Variants in CDH13 observed in about 807,000 individuals in gnomAD.
CDH13 encodes the protein cadherin-13.
CDH13 carries 24 observed loss-of-function variants against 63.8 expected under a neutral mutation model. The ratio of observed to expected loss-of-function variants is 0.38; its 90% confidence interval spans 0.27 to 0.53. The LOEUF (loss-of-function observed/expected upper bound fraction) is 0.53, where lower values mean the gene tolerates loss of function less well. Among genes scored for constraint, CDH13 ranks in the 20% least tolerant of loss-of-function variants. The probability of loss-of-function intolerance (pLI) is 0.85; values close to 1 mark genes in which losing one functional copy is unlikely to be tolerated. For synonymous variants in CDH13, 503 were observed against 355.3 expected (o/e 1.42, Z -4.67); for missense variants, 1,049 against 903.1 (o/e 1.16, Z -2.07).
intron 6 of CDH13, among the ~76,000 whole-genome samples, chr16:83,401,228 C>A (rs957835860): frequency 1.3e-5 from 2 of 151,686 alleles, no homozygotes; most frequent in African/African-American, 4.8e-5. Context: ...ATCCCAGCTA[C>A]TTTGGGGGGC....
intron 10 of CDH13, chr16:83,725,866 C>G (rs528097863): frequency 6.6e-6 from 1 of 152,366 alleles, no homozygotes; most frequent in Non-Finnish European, 1.5e-5. Flanking sequence ...GGCCGTAAAT[C>G]AGCTCCTTTG....
chr16:83,206,787 G>T (rs1304008048), intron 4 of CDH13, among the ~76,000 whole-genome samples: 1 of 152,160 alleles, frequency 6.6e-6, no homozygotes, highest in Admixed American at 6.5e-5. Flanking sequence ...GACTTGGGGG[G>T]ACCCATTATT....
intron 2 of CDH13, among the ~76,000 whole-genome samples, chr16:83,025,925 A>T (rs778854150): frequency 6.6e-6 from 1 of 152,170 alleles, no homozygotes; most frequent in Non-Finnish European, 1.5e-5. Context: ...AACTCAGCAC[A>T]GTTGTATCAT....
intron 3 of CDH13, among the ~76,000 whole-genome samples, chr16:83,116,106 C>T (rs1196893612): frequency 6.6e-6 from 1 of 152,176 alleles, no homozygotes; most frequent in Admixed American, 6.5e-5. Context: ...CAGGGACAGA[C>T]AAAACTTGGA....
At chr16:82,735,174 C>G (rs1393523353) in intron 1 of CDH13, among the ~76,000 whole-genome samples, 1 of 152,198 alleles carries the variant, frequency 6.6e-6, no homozygotes, top group Non-Finnish European at 1.5e-5. Context: ...AAGATTCAGT[C>G]TATGTTATTA....
chr16:83,089,210 T>C (rs1465086387), intron 3 of CDH13, among the ~76,000 whole-genome samples: 3 of 152,238 alleles, frequency 2.0e-5, no homozygotes, highest in Admixed American at 1.3e-4. Context: ...AGGTAGTGAA[T>C]GGCAGAACCA....
chr16:82,979,971 CT>C (rs1355044555), intron 2 of CDH13, among the ~76,000 whole-genome samples: 1 of 152,156 alleles, frequency 6.6e-6, no homozygotes, highest in African/African-American at 2.4e-5. Context: ...CCATAGATGA[CT>C]CACTGAAATT....
chr16:83,008,116 C>T (rs564822879), intron 2 of CDH13, among the ~76,000 whole-genome samples: 3 of 152,166 alleles, frequency 2.0e-5, no homozygotes, highest in East Asian at 1.9e-4. Flanking sequence ...AGGTATTTTC[C>T]AGGACTTTAT....
chr16:83,425,475 A>C (rs571520929), intron 6 of CDH13, among the ~76,000 whole-genome samples: 16 of 152,268 alleles, frequency 1.1e-4, no homozygotes, highest in Non-Finnish European at 1.9e-4. Flanking sequence ...CCCTGCACTC[A>C]GGAGGCTCAC....
At chr16:83,281,139 C>G (rs532828066) in intron 5 of CDH13, among the ~76,000 whole-genome samples, 1 of 151,970 alleles carries the variant, frequency 6.6e-6, no homozygotes, top group Non-Finnish European at 1.5e-5. Flanking sequence ...AAGGCTGTCT[C>G]ATCTACACTG....
At chr16:82,642,710 G>A (rs1336349793) in intron 1 of CDH13, among the ~76,000 whole-genome samples, 18 of 152,322 alleles carry the variant, frequency 1.2e-4, no homozygotes, top group African/African-American at 4.1e-4. Flanking sequence ...AATAATAATA[G>A]TAGAAGTGGC....
Position 82,920,946 on chromosome 16 carries a change from A to G in CDH13, c.157+62473A>G, listed in dbSNP as rs115552655. ...TGTTAAAAATCTTTTATCATGAATA[A>G]GTGTTAGATTTTATCAAATTTTTTT... On this transcript the variant is annotated intron_variant, in intron 2 of 13. Coordinates refer to ENST00000567109, the MANE Select transcript of CDH13 (RefSeq NM_001257.5). Among the ~76,000 whole-genome samples the G allele has an allele frequency of 1.7e-3, 266 of 152,284 alleles. 1 individual carries two copies. Among genetic ancestry groups the G allele is most frequent in the African/African-American group, 6.1e-3 (254 of 41,572 alleles).
chr16:82,942,120 C>G (rs1444970072), intron 2 of CDH13, among the ~76,000 whole-genome samples: 1 of 152,102 alleles, frequency 6.6e-6, no homozygotes, highest in Non-Finnish European at 1.5e-5. Flanking sequence ...TTTGCATACC[C>G]CAAGGTCACA....
chr16:83,406,419 C>CCCCA (rs1482058775), intron 6 of CDH13, among the ~76,000 whole-genome samples: 2 of 148,992 alleles, frequency 1.3e-5, no homozygotes, highest in African/African-American at 4.9e-5. Flanking sequence ...TCTTTCTTTC[C>CCCCA]CCCCCCGCCT....
At chr16:83,301,901 C>A in intron 5 of CDH13, among the ~76,000 whole-genome samples, 1 of 149,624 alleles carries the variant, frequency 6.7e-6, no homozygotes, top group Non-Finnish European at 1.5e-5. Flanking sequence ...TGTTTTCTGG[C>A]AGATACTTAA....
intron 4 of CDH13, among the ~76,000 whole-genome samples, chr16:83,128,418 T>C (rs2035904713): frequency 6.6e-6 from 1 of 152,218 alleles, no homozygotes; most frequent in South Asian, 2.1e-4. Context: ...ACACAGCTTC[T>C]AGGTGATTGT....
chr16:82,875,874 C>G (rs2040488147), intron 2 of CDH13, among the ~76,000 whole-genome samples: 2 of 152,120 alleles, frequency 1.3e-5, no homozygotes, highest in Non-Finnish European at 2.9e-5. Context: ...ACAGACATAC[C>G]CGAGACTGGG....
At chr16:82,782,819 C>T (rs547180372) in intron 1 of CDH13, among the ~76,000 whole-genome samples, 1 of 152,308 alleles carries the variant, frequency 6.6e-6, no homozygotes, top group Non-Finnish European at 1.5e-5. Context: ...AGCAGGCTGC[C>T]TTTCAGCTCC....
At chr16:82,784,202 G>C (rs1567530368) in intron 1 of CDH13, among the ~76,000 whole-genome samples, 1 of 152,206 alleles carries the variant, frequency 6.6e-6, no homozygotes, top group Non-Finnish European at 1.5e-5. Context: ...AAGCTGCTCA[G>C]AAACTCAGGC....
Sources: allele counts gnomAD v4.1 joint callset (sites outside exome capture counted in the v4.1 genomes callset), GRCh38; gene constraint gnomAD v4.1.1; transcripts MANE v1.5; gene names NCBI Gene and HGNC (gene_info 2026-07-23, HGNC 2026-07-21).